Variants in YWHAH observed in about 807,000 individuals in gnomAD.
YWHAH encodes the protein 14-3-3 protein eta.
A neutral mutation model predicts 22.9 loss-of-function variants in YWHAH; 6 were observed. That is an observed-to-expected ratio of 0.26 (90% CI 0.14 to 0.52). The LOEUF is 0.52. Among genes scored for constraint, YWHAH ranks in the 20% least tolerant of loss-of-function variants. The pLI is 0.97. For synonymous variants in YWHAH, 135 were observed against 124.5 expected, an observed-to-expected ratio of 1.08 and a Z score of -0.56; for missense variants, 173 against 308.6, an observed-to-expected ratio of 0.56 and a Z score of 3.29.
chr22:31,946,331 C>T (rs1447036775), intron 1 of YWHAH, among the ~76,000 whole-genome samples: 1 of 152,094 alleles, frequency 6.6e-6, no homozygotes, highest in Non-Finnish European at 1.5e-5. Context: ...GCATATTTTA[C>T]AAAAATGGGA....
chr22:31,949,170 G>A (rs1229112828), intron 1 of YWHAH, among the ~76,000 whole-genome samples: 11 of 98,838 alleles, frequency 1.1e-4, no homozygotes, highest in Non-Finnish European at 1.1e-4. Flanking sequence ...AGACAGTTTC[G>A]CTCTTGTTGC....
chr22:31,956,787 A>G lies in YWHAH; in HGVS notation c.736A>G (p.Asn246Asp), dbSNP rs2093850113. ...GCAGGATGAAGAAGCAGGAGAAGGC[A>G]ACTGAAGATCCTTCAGGTCCCCTGG... The part of the protein sequence containing the change: ...DQQDEEAGEG[N>D] The change falls in exon 2 of 2, where the codon AAC (asparagine) becomes GAC (aspartate). Residue 246 changes from asparagine (N) to aspartate (D), a missense_variant. Asn to Asp is a conservative substitution (Grantham distance 23). Transcript: ENST00000248975. The surrounding 1 kb of genome is among the most constrained non-coding windows in gnomAD (Gnocchi z 5.1). The G allele has an allele frequency of 6.3e-7, 1 of 1,593,244 alleles. No individual in the cohort carries two copies. The highest frequency in any genetic ancestry group is 8.6e-7 in the Non-Finnish European group (1 of 1,169,222).
chr22:31,946,564 TGTG>T (rs1261366480), intron 1 of YWHAH, among the ~76,000 whole-genome samples: 5 of 151,464 alleles, frequency 3.3e-5, no homozygotes, highest in South Asian at 2.1e-4. Context: ...GGGAAATAAA[TGTG>T]GTGAAAAGAA....
In YWHAH at chr22:31,956,198, C is replaced by T; in HGVS notation, c.147C>T (p.Tyr49=). 1 of 1,614,110 alleles carries T rather than the reference C, an allele frequency of 6.2e-7. No homozygotes were observed. Among genetic ancestry groups the T allele is most frequent in the African/African-American group, 1.3e-5 (1 of 75,016 alleles). Reference sequence around the variant, plus strand: ...ATCGAAATCTCCTCTCTGTGGCCTACAAGAATGTGGTTGGTGCCAGGCGAT... The same window carrying T: ...ATCGAAATCTCCTCTCTGTGGCCTATAAGAATGTGGTTGGTGCCAGGCGAT... ...NEDRNLLSVA[Y]KNVVGARRSS... The change falls in exon 2 of 2, where the codon TAC becomes TAT. Residue 49 remains tyrosine, a synonymous_variant. Coordinates refer to ENST00000248975, the MANE Select transcript of YWHAH (RefSeq NM_003405.4). This position sits in a 1 kb window ranked among gnomAD's most constrained non-coding sequence, Gnocchi z 5.1.
At chr22:31,945,580 C>T (rs2093832972) in intron 1 of YWHAH, 2 of 1,303,716 alleles carry the variant, frequency 1.5e-6, no homozygotes, top group South Asian at 2.5e-5. Flanking sequence ...TGAGTCGTGC[C>T]CAGCCACACC....
At chr22:31,947,619 T>C in intron 1 of YWHAH, 1 of 379,908 alleles carries the variant, frequency 2.6e-6, no homozygotes, top group Non-Finnish European at 5.4e-6. Context: ...TAAAGGAGTA[T>C]CTTCAAGCTC....
intron 1 of YWHAH, among the ~76,000 whole-genome samples, chr22:31,949,468 C>T (rs946807632): frequency 1.3e-5 from 2 of 151,540 alleles, no homozygotes; most frequent in Non-Finnish European, 2.9e-5. Flanking sequence ...TTTTTAGGCA[C>T]TTGGTAAACG....
intron 1 of YWHAH, among the ~76,000 whole-genome samples, chr22:31,948,697 T>C (rs533307258): frequency 8.5e-5 from 13 of 152,314 alleles, no homozygotes; most frequent in African/African-American, 3.1e-4. Context: ...TAAAGCCACA[T>C]TGATACTACA....
intron 1 of YWHAH, 190 bp downstream of exon 1, chr22:31,945,010 C>T: frequency 8.9e-7 from 1 of 1,118,204 alleles, no homozygotes; most frequent in Non-Finnish European, 1.1e-6. Flanking sequence ...TGAGGCTGGG[C>T]CCAGGGTGGG....
chr22:31,950,729 G>C (rs2093842204), intron 1 of YWHAH, among the ~76,000 whole-genome samples: 1 of 152,114 alleles, frequency 6.6e-6, no homozygotes, highest in Admixed American at 6.5e-5. Context: ...CCTCATCCTG[G>C]TGAGGATAAG....
intron 1 of YWHAH, chr22:31,950,448 C>T (rs377462601): frequency 1.4e-5 from 11 of 776,476 alleles, no homozygotes; most frequent in Non-Finnish European, 1.9e-5. Flanking sequence ...TCCAATGATC[C>T]GAACCTGGCA....
intron 1 of YWHAH, chr22:31,947,448 T>C (rs1315585498): frequency 2.1e-6 from 1 of 471,628 alleles, no homozygotes; most frequent in Non-Finnish European, 4.4e-6. Flanking sequence ...ATGATTGATG[T>C]TCCTCATTCT....
chr22:31,949,895 T>G (rs114081203), intron 1 of YWHAH, among the ~76,000 whole-genome samples: 2,520 of 152,170 alleles, frequency 0.017, 63 homozygotes, highest in African/African-American at 0.058. Flanking sequence ...GTGACTGAAA[T>G]CCAAGAACTC....
At chr22:31,945,971 A>G (rs7291050) in intron 1 of YWHAH, among the ~76,000 whole-genome samples, 27,719 of 152,138 alleles carry the variant, frequency 0.18, 3,118 homozygotes, top group Non-Finnish European at 0.25. Context: ...TGCCAATACA[A>G]AGGCTCCCTA....
rs899563093 is a variant in YWHAH at position 31,954,918 on chromosome 22, T to C, written c.88-1221T>C. Reference sequence around the variant, plus strand: ...TAGGGTCAGAACTTCAGCGTATCTTTTGGCGGGGGATACAGTTCAACCACT... The same window carrying C: ...TAGGGTCAGAACTTCAGCGTATCTTCTGGCGGGGGATACAGTTCAACCACT... On this transcript the variant is annotated intron_variant, in intron 1 of 1. Coordinates refer to ENST00000248975, the MANE Select transcript of YWHAH (RefSeq NM_003405.4). Among the ~76,000 whole-genome samples the C allele has an allele frequency of 3.3e-5, 5 of 152,318 alleles. No individual in the cohort carries two copies. The South Asian group carries it at 1.0e-3, about 32-fold the overall frequency.
chr22:31,956,870 A>G lies in YWHAH; in HGVS notation c.*78A>G, dbSNP rs536785227. On this transcript the variant is annotated 3_prime_UTR_variant, in exon 2 of 2. Transcript: ENST00000248975. The surrounding 1 kb of genome is among the most constrained non-coding windows in gnomAD (Gnocchi z 5.1). ...GATTCTTCCTTGCCACAATCACTAAATATCTAGTGCTAAACCTATCTGTAT... is the reference window on the plus strand; with the variant it reads ...GATTCTTCCTTGCCACAATCACTAAGTATCTAGTGCTAAACCTATCTGTAT... The G allele has an allele frequency of 2.5e-4, 360 of 1,465,226 alleles. 1 individual carries two copies. Among genetic ancestry groups the G allele is most frequent in the Non-Finnish European group, 3.2e-4 (351 of 1,102,108 alleles). 90.8% of individuals were successfully genotyped at this position (1,465,226 alleles called of 1,614,324 possible).
intron 1 of YWHAH, among the ~76,000 whole-genome samples, chr22:31,948,157 C>T (rs951175144): frequency 9.2e-5 from 14 of 152,158 alleles, no homozygotes; most frequent in Admixed American, 5.2e-4. Context: ...TGAGCCACAG[C>T]GGCTCCCTAG....
At chr22:31,954,610 G>C (rs532496241) in intron 1 of YWHAH, among the ~76,000 whole-genome samples, 1 of 152,084 alleles carries the variant, frequency 6.6e-6, no homozygotes, top group Non-Finnish European at 1.5e-5. Context: ...GGCAGGCCAC[G>C]CTCCCTCTGA....
In YWHAH at chr22:31,944,594, GC is replaced by G. The variant is rs2093830215; in HGVS notation, c.-138del. ...GCGGCGGCGCTGCCTGCAGCCTGCA[GC>G]CTGCAGCCTCCGGCCGGCCGGCGAG... is the stretch of plus-strand genomic sequence containing the variant. On this transcript the variant is annotated 5_prime_UTR_variant, in exon 1 of 2. Coordinates refer to ENST00000248975, the MANE Select transcript of YWHAH (RefSeq NM_003405.4). 1.0e-5 allele frequency: 5 copies of G among 502,194 alleles called. No homozygotes were observed. The highest frequency in any genetic ancestry group is 1.1e-5 in the Non-Finnish European group (4 of 361,700). 31.1% of individuals were successfully genotyped at this position (502,194 alleles called of 1,614,324 possible).
Sources: gnomAD v4.1 joint callset for allele counts (sites outside exome capture counted in the v4.1 genomes callset) on GRCh38, gnomAD v4.1.1 for gene constraint, Gnocchi (gnomAD v3.1) non-coding constraint, MANE v1.5 for transcripts, NCBI Gene and HGNC (gene_info 2026-07-23, HGNC 2026-07-21) for gene names.